Variants in CD163L1 observed in about 807,000 individuals in gnomAD.
CD163L1 encodes scavenger receptor cysteine-rich type 1 protein M160.
A neutral mutation model predicts 165.4 loss-of-function variants in CD163L1; 124 were observed. The observed-to-expected ratio is 0.75, with a 90% CI of 0.65 to 0.87. The LOEUF is 0.87. CD163L1 is among the 40% of genes least tolerant of loss of function. The pLI is 0.00. For synonymous variants in CD163L1, 585 were observed against 662.2 expected, an observed-to-expected ratio of 0.88 and a Z score of 1.79; for missense variants, 1,525 against 1,799.9, an observed-to-expected ratio of 0.85 and a Z score of 2.76.
chr12:7,419,013 A>G (rs1445280449), intron 4 of CD163L1, among the ~76,000 whole-genome samples: 1 of 152,080 alleles, frequency 6.6e-6, no homozygotes, highest in African/African-American at 2.4e-5. Flanking sequence ...AATCCTCCGT[A>G]AATCATCCTG....
At chr12:7,401,255 C>G (rs919402778) in intron 6 of CD163L1, among the ~76,000 whole-genome samples, 5 of 151,980 alleles carry the variant, frequency 3.3e-5, no homozygotes, top group African/African-American at 1.2e-4. Flanking sequence ...TAATAGAACA[C>G]TGCCTGGCAC....
chr12:7,424,908 G>T (rs756995691), intron 4 of CD163L1, among the ~76,000 whole-genome samples: 1 of 152,228 alleles, frequency 6.6e-6, no homozygotes, highest in East Asian at 1.9e-4. Flanking sequence ...TGGCCATACT[G>T]CCCAAAGTAA....
intron 4 of CD163L1, among the ~76,000 whole-genome samples, chr12:7,348,871 T>C (rs567508641): frequency 4.6e-5 from 7 of 152,042 alleles, no homozygotes; most frequent in Admixed American, 3.9e-4. Context: ...GGAATACTTT[T>C]AGATTTACAA....
the CD163L1 span, chr12:7,327,022 AC>A: frequency 6.2e-7 from 1 of 1,612,822 alleles, no homozygotes; most frequent in Admixed American, 1.7e-5. Flanking sequence ...AAGTCCTACA[AC>A]CCAGAGAAAT....
intron 8 of CD163L1, among the ~76,000 whole-genome samples, chr12:7,390,628 T>A (rs1947634021): frequency 6.6e-6 from 1 of 152,190 alleles, no homozygotes; most frequent in Non-Finnish European, 1.5e-5. Context: ...ACTCTACGTC[T>A]ACCTACATTA....
chr12:7,401,698 G>A (rs1223515707), intron 6 of CD163L1, among the ~76,000 whole-genome samples: 1 of 151,932 alleles, frequency 6.6e-6, no homozygotes, highest in Non-Finnish European at 1.5e-5. Context: ...TATGTCTGTG[G>A]TATATTGTTC....
intron 2 of CD163L1, among the ~76,000 whole-genome samples, chr12:7,434,101 T>C (rs1303646324): frequency 6.6e-6 from 1 of 152,206 alleles, no homozygotes; most frequent in Non-Finnish European, 1.5e-5. Flanking sequence ...TTTTATATAC[T>C]TAATAATTGA....
chr12:7,420,081 A>C (rs1466250157), intron 4 of CD163L1, among the ~76,000 whole-genome samples: 1 of 152,126 alleles, frequency 6.6e-6, no homozygotes, highest in Non-Finnish European at 1.5e-5. Flanking sequence ...ATCTTTAACA[A>C]AGTAAACAAA....
At chr12:7,350,736 A>G (rs1446600081), downstream of CD163L1, among the ~76,000 whole-genome samples, 1 of 152,190 alleles carries the variant, frequency 6.6e-6, no homozygotes, top group Non-Finnish European at 1.5e-5. Context: ...AACAGATGTT[A>G]GAAATGATGT....
chr12:7,439,140 T>G (rs1316592622), intron 2 of CD163L1: 1 of 1,574,472 alleles, frequency 6.4e-7, no homozygotes, highest in African/African-American at 1.4e-5. Flanking sequence ...TCTTCTCTGC[T>G]GTCGGAATGT....
chr12:7,356,456 T>G (rs967181127), intron 19 of CD163L1, among the ~76,000 whole-genome samples: 6 of 152,036 alleles, frequency 3.9e-5, no homozygotes, highest in Non-Finnish European at 8.8e-5. Flanking sequence ...TGGGTCAAAT[T>G]TGAAATAGTT....
chr12:7,373,200 T>TA, intron 14 of CD163L1, 120 bp downstream of exon 14: 2 of 795,670 alleles, frequency 2.5e-6, no homozygotes, highest in Non-Finnish European at 3.9e-6. Context: ...AAATCAGCAC[T>TA]TATTGTCATG....
At chr12:7,399,342 C>T (rs576197504) in intron 6 of CD163L1, among the ~76,000 whole-genome samples, 35 of 95,018 alleles carry the variant, frequency 3.7e-4, no homozygotes, top group Middle Eastern at 0.016. Flanking sequence ...TTCATTCTCT[C>T]TTCTTTCATT....
At chr12:7,397,945 T>C (rs1947813931) in intron 7 of CD163L1, among the ~76,000 whole-genome samples, 1 of 152,214 alleles carries the variant, frequency 6.6e-6, no homozygotes, top group Admixed American at 6.5e-5. Context: ...AGAAAGGCTC[T>C]AATAGTTTGT....
chr12:7,393,407 T>C (rs1044488366), intron 8 of CD163L1, among the ~76,000 whole-genome samples: 13 of 152,202 alleles, frequency 8.5e-5, no homozygotes, highest in Admixed American at 2.0e-4. Context: ...AAACTAGGTA[T>C]TGATGGAACG....
At chr12:7,440,079 A>C in intron 2 of CD163L1, 8 of 1,016,768 alleles carry the variant, frequency 7.9e-6, no homozygotes, top group Admixed American at 2.0e-5. Context: ...ACTCCACATC[A>C]GCGGCGTAAC....
chr12:7,375,881 T>C lies in CD163L1; in HGVS notation c.2505A>G (p.Glu835=), dbSNP rs1174578076. Residue 835 remains glutamate (E), a synonymous_variant, in exon 10 of 20, where the codon GAA becomes GAG. Coordinates refer to ENST00000313599, the MANE Select transcript of CD163L1 (RefSeq NM_174941.6). ...SLHAANVLCR[E]LNCGDAISLS... Reference sequence around the variant, plus strand: ...GAGATATGGCATCTCCACAGTTTAATTCTCTGCACAGCACATTGGCAGCAT... The same window carrying C: ...GAGATATGGCATCTCCACAGTTTAACTCTCTGCACAGCACATTGGCAGCAT... 6.2e-7 allele frequency: 1 copy of C among 1,614,216 alleles called. No homozygotes were observed. Among genetic ancestry groups the C allele is most frequent in the African/African-American group, 1.3e-5 (1 of 75,064 alleles).
chr12:7,391,272 C>A (rs766490616), intron 8 of CD163L1, among the ~76,000 whole-genome samples: 7 of 152,232 alleles, frequency 4.6e-5, no homozygotes, highest in African/African-American at 1.7e-4. Flanking sequence ...GAAACCAGAG[C>A]AGCAAAGTAG....
intron 8 of CD163L1, among the ~76,000 whole-genome samples, chr12:7,381,745 T>A (rs1174205668): frequency 6.6e-6 from 1 of 152,066 alleles, no homozygotes; most frequent in Non-Finnish European, 1.5e-5. Context: ...TAGGAATCTC[T>A]ATCAAAATTG....
Sources: gnomAD v4.1 joint callset for allele counts (sites outside exome capture counted in the v4.1 genomes callset) on GRCh38, gnomAD v4.1.1 for gene constraint, MANE v1.5 for transcripts, NCBI Gene and HGNC (gene_info 2026-07-23, HGNC 2026-07-21) for gene names.